The following GARIN2 variants were observed in gnomAD, a reference collection of about 807,000 sequenced individuals.
The protein encoded by GARIN2 is golgi associated RAB2 interactor family member 2.
the GARIN2 span, chr14:67,208,531 A>T: frequency 7.1e-7 from 1 of 1,400,156 alleles, no homozygotes; most frequent in Non-Finnish European, 9.6e-7. Flanking sequence ...CTCTTAACTC[A>T]GGCATCTGCC....
At chr14:67,200,312 C>A in the GARIN2 span, 1 of 663,064 alleles carries the variant, frequency 1.5e-6, no homozygotes, top group Non-Finnish European at 2.7e-6. Flanking sequence ...CGCTTTGGAG[C>A]CCTCTCCCTC....
At chr14:67,191,851 T>C in the GARIN2 span, among the ~76,000 whole-genome samples, 802 of 152,328 alleles carry the variant, frequency 5.3e-3, 6 homozygotes, top group African/African-American at 0.019. Context: ...TCTCTTTTCT[T>C]TTACTAAAAG....
At chr14:67,199,500 TTA>T in the GARIN2 span, 10 of 1,613,186 alleles carry the variant, frequency 6.2e-6, no homozygotes, top group Non-Finnish European at 7.6e-6. Context: ...TATGCCTTTA[TTA>T]ATTTTGCTTC....
chr14:67,205,465 T>C, the GARIN2 span, among the ~76,000 whole-genome samples: 1 of 152,176 alleles, frequency 6.6e-6, no homozygotes, highest in African/African-American at 2.4e-5. Context: ...TAATACAATG[T>C]AAGGGTTAAT....
the GARIN2 span, among the ~76,000 whole-genome samples, chr14:67,221,102 T>C: frequency 3.9e-5 from 6 of 152,240 alleles, no homozygotes; most frequent in Non-Finnish European, 7.3e-5. Flanking sequence ...GTATTTTGAT[T>C]ATTATCAGTT....
the GARIN2 span, chr14:67,224,072 C>A: frequency 1.2e-6 from 1 of 858,816 alleles, no homozygotes; most frequent in Non-Finnish European, 1.4e-6. Context: ...AGTTAGGGAC[C>A]ATGATCTCAA....
chr14:67,208,511 G>A, the GARIN2 span: 4 of 1,533,348 alleles, frequency 2.6e-6, no homozygotes, highest in Non-Finnish European at 3.5e-6. Flanking sequence ...AAAGAAATAT[G>A]TGCTTTAGTC....
At chr14:67,225,647 C>T in the GARIN2 span, among the ~76,000 whole-genome samples, 1 of 152,224 alleles carries the variant, frequency 6.6e-6, no homozygotes, top group Middle Eastern at 3.4e-3. Flanking sequence ...TACAGATATT[C>T]GTAGAGTGCC....
At chr14:67,211,529 C>T in the GARIN2 span, among the ~76,000 whole-genome samples, 5 of 151,998 alleles carry the variant, frequency 3.3e-5, no homozygotes, top group African/African-American at 9.7e-5. Context: ...TGACCATATT[C>T]GAATGTATGA....
chr14:67,211,667 G>A, the GARIN2 span, among the ~76,000 whole-genome samples: 4 of 152,032 alleles, frequency 2.6e-5, no homozygotes, highest in African/African-American at 4.8e-5. Flanking sequence ...TGGCTCACAC[G>A]CCTGTAATCC....
At chr14:67,190,574 A>G in the GARIN2 span, among the ~76,000 whole-genome samples, 32 of 152,304 alleles carry the variant, frequency 2.1e-4, no homozygotes, top group Admixed American at 1.5e-3. Flanking sequence ...TTCTTCCATA[A>G]GAAAAAATTC....
chr14:67,197,979 G>C, the GARIN2 span: 4 of 228,018 alleles, frequency 1.8e-5, no homozygotes, highest in Middle Eastern at 4.3e-3. Context: ...GATCTTATCA[G>C]TCCTGTTTAG....
chr14:67,213,300 G>T, the GARIN2 span, among the ~76,000 whole-genome samples: 1,410 of 140,496 alleles, frequency 0.01, 26 homozygotes, highest in African/African-American at 0.035. Flanking sequence ...ATCTCCTAAG[G>T]CTATCCCTCC....
chr14:67,223,064 A>G, the GARIN2 span, among the ~76,000 whole-genome samples: 7 of 149,636 alleles, frequency 4.7e-5, no homozygotes, highest in Non-Finnish European at 7.4e-5. Context: ...CAGTGGCACA[A>G]TCTTGGCTCA....
chr14:67,200,323 A>G, the GARIN2 span: 1 of 655,890 alleles, frequency 1.5e-6, no homozygotes, highest in Non-Finnish European at 2.7e-6. Flanking sequence ...CCTCTCCCTC[A>G]GTAAATTCAC....
chr14:67,198,145 G>T, the GARIN2 span: 1 of 1,603,040 alleles, frequency 6.2e-7, no homozygotes, highest in Admixed American at 1.7e-5. Context: ...GTTTTTTTAT[G>T]TTTATGTGCA....
the GARIN2 span, among the ~76,000 whole-genome samples, chr14:67,218,213 T>C: frequency 3.0e-4 from 45 of 152,278 alleles, no homozygotes; most frequent in East Asian, 4.2e-3. Flanking sequence ...GCCATGGGGC[T>C]GTTACTGTGG....
At chr14:67,227,728 A>G in the GARIN2 span, 1 of 152,200 alleles carries the variant, frequency 6.6e-6, no homozygotes, top group Non-Finnish European at 1.5e-5. Context: ...AAATAATTCA[A>G]TAGCAGGTAT....
chr14:67,225,545 G>A, the GARIN2 span, among the ~76,000 whole-genome samples: 2 of 152,148 alleles, frequency 1.3e-5, no homozygotes, highest in Non-Finnish European at 2.9e-5. Flanking sequence ...TCTCATTTCT[G>A]TACTTCTTTG....
Sources: allele counts gnomAD v4.1 joint callset (sites outside exome capture counted in the v4.1 genomes callset), GRCh38; gene constraint gnomAD v4.1.1; transcripts MANE v1.5; gene names NCBI Gene and HGNC (gene_info 2026-07-23, HGNC 2026-07-21).